ZNF445: variants seen among roughly 807,000 people sequenced by gnomAD.
ZNF445 encodes zinc finger protein 445.
In ZNF445, 19 loss-of-function variants were observed where a neutral mutation model predicts 93.9. That is an observed-to-expected ratio of 0.20 (90% confidence interval 0.14 to 0.30). ZNF445 has a LOEUF of 0.30. Ranked by LOEUF, ZNF445 falls within the 10% of genes least tolerant of loss-of-function variation. The probability of loss-of-function intolerance (pLI) is 1.00; values close to 1 mark genes in which losing one functional copy is unlikely to be tolerated. For synonymous variants in ZNF445, 449 were observed against 446.3 expected, an observed-to-expected ratio of 1.01 and a Z score of -0.08; for missense variants, 1,058 against 1,259.4, an observed-to-expected ratio of 0.84 and a Z score of 2.42.
Position 44,432,273 on chromosome 3 carries a change from CTG to C in ZNF445, c.*14300_*14301del, listed in dbSNP as rs781032930. ...TCTACACTCATTTGTGTGTGTGTGT[CTG>C]TGTGTGTGTGTGTGTGTGTGTGTGT... On this transcript the variant is annotated 3_prime_UTR_variant, in exon 8 of 8. Transcript: ENST00000396077. 14,347 of 140,264 alleles carry C rather than the reference CTG, an allele frequency of 0.1. 910 individuals are homozygous for C. Among genetic ancestry groups the C allele is most frequent in the African/African-American group, 0.19 (7,399 of 39,146 alleles). 8.7% of individuals were successfully genotyped at this position (140,264 alleles called of 1,614,324 possible).
chr3:44,464,456 G>A (rs1255177680), intron 1 of ZNF445, among the ~76,000 whole-genome samples: 4 of 152,212 alleles, frequency 2.6e-5, no homozygotes, highest in African/African-American at 7.2e-5. Flanking sequence ...GCTTAGGAAA[G>A]TAAACGTTTA....
chr3:44,474,513 TCAAA>T (rs768471354), intron 1 of ZNF445, among the ~76,000 whole-genome samples: 11 of 152,116 alleles, frequency 7.2e-5, no homozygotes, highest in Non-Finnish European at 1.0e-4. Flanking sequence ...AAATTCCGTC[TCAAA>T]CAAACAAAAA....
Position 44,442,323 on chromosome 3 carries a change from A to C in ZNF445, c.*4252T>G, listed in dbSNP as rs1417690425. 1 of 152,222 alleles carries C rather than the reference A, an allele frequency of 6.6e-6. No homozygotes were observed. Among genetic ancestry groups the C allele is most frequent in the Non-Finnish European group, 1.5e-5 (1 of 68,044 alleles). The allele number at this position is 152,222 out of a possible 1,614,324, so 9.4% of individuals were successfully genotyped here. On this transcript the variant is annotated 3_prime_UTR_variant, in exon 8 of 8. Coordinates refer to ENST00000396077, the MANE Select transcript of ZNF445 (RefSeq NM_181489.6). ...GAAGTCTTAAAATCATTCTCTGTTC[A>C]CATGGCACTTCTCTAGGATGCATCC...
chr3:44,465,980 G>C (rs1698188372), intron 1 of ZNF445, among the ~76,000 whole-genome samples: 1 of 152,064 alleles, frequency 6.6e-6, no homozygotes, highest in Non-Finnish European at 1.5e-5. Flanking sequence ...ATGCATTAAT[G>C]CAAACATGAA....
rs369572669 is a variant in ZNF445 at position 44,451,362 on chromosome 3, C to G, written c.550G>C (p.Glu184Gln). 2.5e-6 allele frequency: 4 copies of G among 1,614,128 alleles called. No individual in the cohort carries two copies. The highest frequency in any genetic ancestry group is 3.4e-6 in the Non-Finnish European group (4 of 1,180,004). The change falls in exon 4 of 8, where the codon GAG (glutamate) becomes CAG (glutamine). Residue 184 changes from glutamate (E) to glutamine (Q), a missense_variant. This residue lies in a region of ZNF445 where 657 missense variants were observed against 746.4 expected (regional missense o/e 0.88). Transcript: ENST00000396077. ...RSSSALGDHLEPPYEIEARDF... is the reference protein window; with the variant it reads ...RSSSALGDHLQPPYEIEARDF... Reference sequence around the variant, plus strand: ...CGTGCTTCTATTTCATAGGGAGGCTCCAGGTGGTCCCCCAGAGCAGAGCTG... The same window carrying G: ...CGTGCTTCTATTTCATAGGGAGGCTGCAGGTGGTCCCCCAGAGCAGAGCTG...
chr3:44,446,297 C>G lies in ZNF445; in HGVS notation c.*278G>C. The G allele has an allele frequency of 2.3e-6, 1 of 437,672 alleles. No individual in the cohort carries two copies. Among genetic ancestry groups the G allele is most frequent in the Non-Finnish European group, 4.1e-6 (1 of 243,424 alleles). The allele number at this position is 437,672 out of a possible 1,614,324, so 27.1% of individuals were successfully genotyped here. Reference sequence around the variant, plus strand: ...TCTCTTCAGAGTTGTGGAAGGAGACCTGAATAGGGGAGCCGCAGGCTATGG... The same window carrying G: ...TCTCTTCAGAGTTGTGGAAGGAGACGTGAATAGGGGAGCCGCAGGCTATGG... On this transcript the variant is annotated 3_prime_UTR_variant, in exon 8 of 8. Coordinates refer to ENST00000396077, the MANE Select transcript of ZNF445 (RefSeq NM_181489.6). The surrounding 1 kb of genome is among the most constrained non-coding windows in gnomAD (Gnocchi z 4.2).
In ZNF445 at chr3:44,470,479, T is replaced by A. The variant is rs564765960; in HGVS notation, c.-269+7112A>T. On this transcript the variant is annotated intron_variant, in intron 1 of 7. Coordinates refer to ENST00000396077, the MANE Select transcript of ZNF445 (RefSeq NM_181489.6). ...GTGGTGGGGGTAGGAAGGTAGAGAATTGCATTTAAAAGCAACTTTATATTT... is the reference window on the plus strand; with the variant it reads ...GTGGTGGGGGTAGGAAGGTAGAGAAATGCATTTAAAAGCAACTTTATATTT... Among the ~76,000 whole-genome samples, 5 of 152,334 alleles carry A rather than the reference T, an allele frequency of 3.3e-5. No homozygotes were observed. The East Asian group carries it at 9.6e-4, about 29-fold the overall frequency.
rs918998629 is a variant in ZNF445 at position 44,447,626 on chromosome 3, A to T, written c.2045T>A (p.Leu682Gln). The T allele has an allele frequency of 3.7e-6, 6 of 1,614,144 alleles. No homozygotes were observed. The African/African-American group carries it at 8.0e-5, about 22-fold the overall frequency. The change falls in exon 8 of 8, where the codon CTG becomes CAG. Residue 682 changes from leucine to glutamine, a missense_variant. Physicochemically the swap from Leu to Gln is moderately radical, Grantham distance 113. Coordinates refer to ENST00000396077, the MANE Select transcript of ZNF445 (RefSeq NM_181489.6). This position sits in a 1 kb window ranked among gnomAD's most constrained non-coding sequence, Gnocchi z 4.7. ...QGAPAVEKTFLCQQCGKTFTR... is the reference protein window; with the variant it reads ...QGAPAVEKTFQCQQCGKTFTR... ...AAAAGTTTTCCCACACTGCTGACAC[A>T]GAAATGTTTTCTCCACAGCGGGAGC...
In ZNF445 at chr3:44,457,074, G is replaced by T. The variant is rs112119769; in HGVS notation, c.-148+1170C>A. On this transcript the variant is annotated intron_variant, in intron 2 of 7. Transcript: ENST00000396077. Reference sequence around the variant, plus strand: ...CGCCTGGGAAGCAGAGGTTTGCAGTGAGACAAGATCGTGGCACTGCACTCT... The same window carrying T: ...CGCCTGGGAAGCAGAGGTTTGCAGTTAGACAAGATCGTGGCACTGCACTCT... Among the ~76,000 whole-genome samples the T allele has an allele frequency of 4.6e-3, 696 of 152,280 alleles. 3 individuals carry two copies. The highest frequency in any genetic ancestry group is 0.014 in the Middle Eastern group (4 of 294).
At chr3:44,471,203 G>A (rs1365497833) in intron 1 of ZNF445, among the ~76,000 whole-genome samples, 1 of 152,182 alleles carries the variant, frequency 6.6e-6, no homozygotes, top group African/African-American at 2.4e-5. Context: ...TCAGTCTAGA[G>A]AGCAATCTCA....
chr3:44,457,776 G>A (rs924878069), intron 2 of ZNF445, among the ~76,000 whole-genome samples: 38 of 152,002 alleles, frequency 2.5e-4, no homozygotes, highest in Admixed American at 9.8e-4. Context: ...GCCTAGGCGC[G>A]TGGATCACGA....
In ZNF445 at chr3:44,447,866, C is replaced by T; in HGVS notation, c.1805G>A (p.Cys602Tyr). 1 of 1,614,132 alleles carries T rather than the reference C, an allele frequency of 6.2e-7. No homozygotes were observed. Among genetic ancestry groups the T allele is most frequent in the Non-Finnish European group, 8.5e-7 (1 of 1,180,040 alleles). ...SGEKLFDCSQ[C>Y]RKSFHCKSYV... is the part of the protein sequence containing the mutation. The stretch of plus-strand genomic sequence containing the variant: ...TGACTTACAGTGGAAGGATTTCCTG[C>T]ACTGGCTGCAGTCAAAGAGTTTCTC... Residue 602 changes from cysteine (C) to tyrosine (Y), a missense_variant, in exon 8 of 8, where the codon TGC (cysteine) becomes TAC (tyrosine). Cys to Tyr is a radical substitution (Grantham distance 194). This residue lies in a region of ZNF445 where 657 missense variants were observed against 746.4 expected (regional missense o/e 0.88). Coordinates refer to ENST00000396077, the MANE Select transcript of ZNF445 (RefSeq NM_181489.6). This position sits in a 1 kb window ranked among gnomAD's most constrained non-coding sequence, Gnocchi z 4.7.
chr3:44,446,451 G>T lies in ZNF445; in HGVS notation c.*124C>A. On this transcript the variant is annotated 3_prime_UTR_variant, in exon 8 of 8. Coordinates refer to ENST00000396077, the MANE Select transcript of ZNF445 (RefSeq NM_181489.6). The surrounding 1 kb of genome is among the most constrained non-coding windows in gnomAD (Gnocchi z 4.2). ...CGAGCTTTCAAATCCTTGGGATTCT[G>T]TCACTAGCTTCCAAAACAGAAAGGG... 1 of 1,419,726 alleles carries T rather than the reference G, an allele frequency of 7.0e-7. No individual in the cohort carries two copies. Among genetic ancestry groups the T allele is most frequent in the Non-Finnish European group, 9.5e-7 (1 of 1,050,724 alleles). The allele number at this position is 1,419,726 out of a possible 1,614,324, so 87.9% of individuals were successfully genotyped here.
At position 44,433,845 on chromosome 3, in the gene ZNF445, G is replaced by C. The variant is rs1302702457; in HGVS notation, c.*12730C>G. On this transcript the variant is annotated 3_prime_UTR_variant, in exon 8 of 8. Coordinates refer to ENST00000396077, the MANE Select transcript of ZNF445 (RefSeq NM_181489.6). ...CTGTCAGGGTCTTGAAATTCTGAAT[G>C]GTCTTGAACATCATGCACTGCACCT... 6.6e-6 allele frequency: 1 copy of C among 152,168 alleles called. No homozygotes were observed. The allele number at this position is 152,168 out of a possible 1,614,324, so 9.4% of individuals were successfully genotyped here.
In ZNF445 at chr3:44,440,903, T is replaced by C. The variant is rs991796226; in HGVS notation, c.*5672A>G. The C allele has an allele frequency of 1.3e-5, 2 of 150,998 alleles. No individual in the cohort carries two copies. The highest frequency in any genetic ancestry group is 4.9e-5 in the African/African-American group (2 of 41,128). The allele number at this position is 150,998 out of a possible 1,614,324, so 9.4% of individuals were successfully genotyped here. A position where few individuals can be genotyped will look rare whatever the true frequency, so the allele number is the denominator to read the frequency against. On this transcript the variant is annotated 3_prime_UTR_variant, in exon 8 of 8. Coordinates refer to ENST00000396077, the MANE Select transcript of ZNF445 (RefSeq NM_181489.6). ...GACCATATAGTGTTACTTCCTGATGTTGCCATGGCATTTTTTTTTTTTTTT... is the reference window on the plus strand; with the variant it reads ...GACCATATAGTGTTACTTCCTGATGCTGCCATGGCATTTTTTTTTTTTTTT...
Position 44,434,191 on chromosome 3 carries a change from T to A in ZNF445, c.*12384A>T, listed in dbSNP as rs1251516436. On this transcript the variant is annotated 3_prime_UTR_variant, in exon 8 of 8. Transcript: ENST00000396077. ...ACTTTGGGAGGCTGAGGTGGGCAGA[T>A]CACTTGAGGTCAAGAGTTCAAGACC... 1 of 149,564 alleles carries A rather than the reference T, an allele frequency of 6.7e-6. No individual in the cohort carries two copies. Among genetic ancestry groups the A allele is most frequent in the East Asian group, 2.0e-4 (1 of 5,118 alleles). The allele number at this position is 149,564 out of a possible 1,614,324, so 9.3% of individuals were successfully genotyped here.
rs1268093239 is a variant in ZNF445, at chr3:44,442,572, C to T, written c.*4003G>A. The T allele has an allele frequency of 6.6e-6, 1 of 152,178 alleles. No homozygotes were observed. The highest frequency in any genetic ancestry group is 1.5e-5 in the Non-Finnish European group (1 of 68,062). The allele number at this position is 152,178 out of a possible 1,614,324, so 9.4% of individuals were successfully genotyped here. Reference sequence around the variant, plus strand: ...TCTTGGTCAGCAGGGGTGGGGCAGACCACACTGAACAGGTGACAGAAAGAC... The same window carrying T: ...TCTTGGTCAGCAGGGGTGGGGCAGATCACACTGAACAGGTGACAGAAAGAC... On this transcript the variant is annotated 3_prime_UTR_variant, in exon 8 of 8. Coordinates refer to ENST00000396077, the MANE Select transcript of ZNF445 (RefSeq NM_181489.6).
At chr3:44,452,113 G>A (rs944622292) in intron 3 of ZNF445, among the ~76,000 whole-genome samples, 3 of 152,190 alleles carry the variant, frequency 2.0e-5, no homozygotes, top group African/African-American at 7.2e-5. Context: ...CAAAGAGGAA[G>A]CATTTGCCCT....
chr3:44,445,454 A>G lies in ZNF445; in HGVS notation c.*1121T>C, dbSNP rs1434778171. 6.6e-6 allele frequency: 1 copy of G among 152,284 alleles called. No individual in the cohort carries two copies. Among genetic ancestry groups the G allele is most frequent in the Non-Finnish European group, 1.5e-5 (1 of 68,122 alleles). The allele number at this position is 152,284 out of a possible 1,614,324, so 9.4% of individuals were successfully genotyped here. A position where few individuals can be genotyped will look rare whatever the true frequency, so the allele number is the denominator to read the frequency against. ...CTCTGAGCCAGCTCAAGCCCCCGTA[A>G]TGACCCATGATGCTCATATGGCCGG... On this transcript the variant is annotated 3_prime_UTR_variant, in exon 8 of 8. Transcript: ENST00000396077.
Sources: allele counts gnomAD v4.1 joint callset (sites outside exome capture counted in the v4.1 genomes callset), GRCh38; gene constraint gnomAD v4.1.1; regional missense constraint gnomAD v4.1.1; non-coding constraint Gnocchi (gnomAD v3.1); transcripts MANE v1.5; gene names NCBI Gene and HGNC (gene_info 2026-07-23, HGNC 2026-07-21).